ZNF385D: variants seen among roughly 807,000 people sequenced by gnomAD.
The protein encoded by ZNF385D is zinc finger protein 659.
A neutral mutation model predicts 35.8 loss-of-function variants in ZNF385D; 15 were observed. The observed-to-expected ratio is 0.42, with a 90% CI of 0.28 to 0.64. The LOEUF is 0.64. Ranked by LOEUF, ZNF385D falls within the 30% of genes least tolerant of loss-of-function variation. The probability of loss-of-function intolerance (pLI) is 0.23; values close to 1 mark genes in which losing one functional copy is unlikely to be tolerated. For missense variants in ZNF385D, 474 were observed against 494.6 expected (o/e 0.96, Z 0.39); for synonymous variants, 212 against 186.8 (o/e 1.13, Z -1.10).
rs528586943 is a variant in ZNF385D at position 21,969,985 on chromosome 3, G to A, written c.325+198832C>T. 5.9e-5 allele frequency among the ~76,000 whole-genome samples: 9 copies of A among 152,304 alleles called. No homozygotes were observed. The South Asian group carries it at 1.9e-3, about 32-fold the overall frequency. On this transcript the variant is annotated intron_variant, in intron 3 of 5. Coordinates refer to the ZNF385D transcript ENST00000494108. ...CCAGTATCTCTATAAGTCTGCAAGA[G>A]TTACTGTGTTATTGAGCTTGGGTGT...
At chr3:22,285,194 C>T (rs1049559139) in intron 2 of ZNF385D, among the ~76,000 whole-genome samples, 3 of 152,128 alleles carry the variant, frequency 2.0e-5, no homozygotes, top group African/African-American at 7.2e-5. Context: ...AACTTATCTT[C>T]AAACAGGTTA....
intron 2 of ZNF385D, among the ~76,000 whole-genome samples, chr3:21,602,299 A>G (rs1335266963): frequency 6.6e-6 from 1 of 151,976 alleles, no homozygotes; most frequent in Non-Finnish European, 1.5e-5. Flanking sequence ...GCCAAACCAT[A>G]TCAGAACGTG....
At chr3:22,184,592 G>A (rs1695502394) in intron 2 of ZNF385D, among the ~76,000 whole-genome samples, 1 of 152,068 alleles carries the variant, frequency 6.6e-6, no homozygotes, top group African/African-American at 2.4e-5. Flanking sequence ...TTGGGAGGCC[G>A]AAGAGGGTGG....
intron 3 of ZNF385D, among the ~76,000 whole-genome samples, chr3:21,874,471 T>C (rs988233150): frequency 1.3e-5 from 2 of 152,136 alleles, no homozygotes; most frequent in East Asian, 1.9e-4. Context: ...CATCTGTTGA[T>C]TGCTTTACTT....
chr3:21,976,903 GT>G (rs1423368426), intron 3 of ZNF385D, among the ~76,000 whole-genome samples: 2 of 152,296 alleles, frequency 1.3e-5, no homozygotes, highest in African/African-American at 4.8e-5. Context: ...AAGGAGAATT[GT>G]TTGAACCTGG....
At chr3:22,069,628 A>G (rs1184538084) in intron 3 of ZNF385D, among the ~76,000 whole-genome samples, 3 of 152,174 alleles carry the variant, frequency 2.0e-5, no homozygotes, top group Non-Finnish European at 4.4e-5. Flanking sequence ...TCTAAGAATA[A>G]ATACATTCTC....
At chr3:22,280,910 G>A (rs1701705264) in intron 2 of ZNF385D, among the ~76,000 whole-genome samples, 1 of 151,906 alleles carries the variant, frequency 6.6e-6, no homozygotes, top group African/African-American at 2.4e-5. Flanking sequence ...ATTTCTTTCA[G>A]CAGTGTTTTG....
At chr3:21,686,052 G>C (rs924551660) in intron 1 of ZNF385D, among the ~76,000 whole-genome samples, 1 of 152,102 alleles carries the variant, frequency 6.6e-6, no homozygotes, top group Non-Finnish European at 1.5e-5. Context: ...AAGGCAAATT[G>C]AAACAGTCTA....
At chr3:21,442,014 C>T (rs1306213094) in intron 4 of ZNF385D, among the ~76,000 whole-genome samples, 1 of 152,066 alleles carries the variant, frequency 6.6e-6, no homozygotes, top group African/African-American at 2.4e-5. Flanking sequence ...GTTGCTAATA[C>T]GTTGTGGAAT....
chr3:21,506,173 G>C (rs1706761352), intron 4 of ZNF385D, among the ~76,000 whole-genome samples: 1 of 152,128 alleles, frequency 6.6e-6, no homozygotes, highest in Admixed American at 6.6e-5. Context: ...ATCAGGCTTG[G>C]CCATGTAACT....
Position 21,836,274 on chromosome 3 carries a change from G to C in ZNF385D, c.326-171246C>G, listed in dbSNP as rs111235472. Among the ~76,000 whole-genome samples, 559 of 152,178 alleles carry C rather than the reference G, an allele frequency of 3.7e-3. 2 individuals are homozygous for C. Among genetic ancestry groups the C allele is most frequent in the African/African-American group, 0.013 (520 of 41,566 alleles). On this transcript the variant is annotated intron_variant, in intron 3 of 5. Transcript: ENST00000494108. ...TGGAGGCGCATTAAATCATTTTCGTGTCACTTTTTCGATTAAAGTATCATC... is the reference window on the plus strand; with the variant it reads ...TGGAGGCGCATTAAATCATTTTCGTCTCACTTTTTCGATTAAAGTATCATC...
chr3:21,930,535 T>C (rs924693920), intron 3 of ZNF385D, among the ~76,000 whole-genome samples: 1 of 152,072 alleles, frequency 6.6e-6, no homozygotes, highest in Admixed American at 6.5e-5. Context: ...AAATCTAAAA[T>C]AATTTTGAAA....
intron 3 of ZNF385D, among the ~76,000 whole-genome samples, chr3:21,788,874 G>C (rs2071807192): frequency 6.6e-6 from 1 of 152,160 alleles, no homozygotes; most frequent in South Asian, 2.1e-4. Context: ...ATGAGACGCT[G>C]TGCTATAACA....
rs1459832314 is a variant in ZNF385D, at chr3:22,106,987, A to G, written c.325+61830T>C. ...AGCTCCTGGCAGGCATAACTGATTT[A>G]GCCAACTTATCTATTTATGCAAAAA... On this transcript the variant is annotated intron_variant, in intron 3 of 5. Coordinates refer to the ZNF385D transcript ENST00000494108. Among the ~76,000 whole-genome samples, 3 of 147,046 alleles carry G rather than the reference A, an allele frequency of 2.0e-5. No homozygotes were observed. In the East Asian group the frequency reaches 5.9e-4, roughly 29 times the overall value.
intron 4 of ZNF385D, among the ~76,000 whole-genome samples, chr3:21,441,380 C>A (rs1366736183): frequency 2.0e-5 from 3 of 152,158 alleles, no homozygotes; most frequent in African/African-American, 7.2e-5. Context: ...AATTTGGGAA[C>A]TTGCCCAACG....
At chr3:22,341,315 T>C (rs946533212) in intron 2 of ZNF385D, among the ~76,000 whole-genome samples, 1 of 152,214 alleles carries the variant, frequency 6.6e-6, no homozygotes, top group African/African-American at 2.4e-5. Context: ...AAACTTGTTT[T>C]GGGACACAAT....
At chr3:21,935,532 A>G (rs1701216607) in intron 3 of ZNF385D, among the ~76,000 whole-genome samples, 1 of 152,158 alleles carries the variant, frequency 6.6e-6, no homozygotes, top group African/African-American at 2.4e-5. Context: ...GGTTCTTTCA[A>G]TCCTGCCTTC....
intron 3 of ZNF385D, among the ~76,000 whole-genome samples, chr3:22,095,088 CTTTTTTTT>C (rs10663641): frequency 1.6e-5 from 2 of 121,952 alleles, no homozygotes; most frequent in Admixed American, 9.1e-5. Context: ...TTCATTCTTT[CTTTTTTTT>C]TTTTTTTTTG....
chr3:22,365,874 AG>A (rs1696634235), intron 2 of ZNF385D, among the ~76,000 whole-genome samples: 2 of 152,118 alleles, frequency 1.3e-5, no homozygotes, highest in Non-Finnish European at 2.9e-5. Flanking sequence ...AATTTGCCAA[AG>A]GAAACTGTTA....
Sources: gnomAD v4.1 joint callset for allele counts (sites outside exome capture counted in the v4.1 genomes callset) on GRCh38, gnomAD v4.1.1 for gene constraint, MANE v1.5 for transcripts, NCBI Gene and HGNC (gene_info 2026-07-23, HGNC 2026-07-21) for gene names.